The following PRUNE2 variants were observed in gnomAD, a reference collection of about 807,000 sequenced individuals.
PRUNE2 encodes prune homolog 2 with BCH domain.
PRUNE2 carries 164 observed loss-of-function variants against 252.0 expected under a neutral mutation model. The ratio of observed to expected loss-of-function variants is 0.65; its 90% confidence interval spans 0.57 to 0.74. PRUNE2 has a LOEUF of 0.74. Ranked by LOEUF, PRUNE2 falls within the 30% of genes least tolerant of loss-of-function variation. The probability of loss-of-function intolerance (pLI) is 0.00; values close to 1 mark genes in which losing one functional copy is unlikely to be tolerated. For missense variants in PRUNE2, 3,495 were observed against 3,711.0 expected (o/e 0.94, Z 1.51); for synonymous variants, 1,292 against 1,350.2 (o/e 0.96, Z 0.94).
At chr9:76,691,738 T>C (rs2044755087) in intron 9 of PRUNE2, among the ~76,000 whole-genome samples, 1 of 152,226 alleles carries the variant, frequency 6.6e-6, no homozygotes, top group Non-Finnish European at 1.5e-5. Context: ...TGTCACTTCC[T>C]TTTATTTTTC....
Position 76,708,234 on chromosome 9 carries a change from G to C in PRUNE2, c.4040C>G (p.Ser1347Cys). 6.2e-7 allele frequency: 1 copy of C among 1,613,916 alleles called. No homozygotes were observed. Among genetic ancestry groups the C allele is most frequent in the Non-Finnish European group, 8.5e-7 (1 of 1,179,882 alleles). The change falls in exon 8 of 19, where the codon TCT becomes TGT. Residue 1347 changes from serine to cysteine, a missense_variant. Transcript: ENST00000376718. ...GHLDEEEVIA[S>C]GVENASGISE... is the part of the protein sequence containing the mutation. ...AATCCCTGAGGCATTCTCCACACCA[G>C]AGGCGATCACCTCCTCTTCATCAAG...
At chr9:76,874,264 C>CT (rs1184170146) in intron 1 of PRUNE2, among the ~76,000 whole-genome samples, 1 of 152,206 alleles carries the variant, frequency 6.6e-6, no homozygotes, top group African/African-American at 2.4e-5. Context: ...GGCTAAGTCT[C>CT]TGTTTCCTCA....
chr9:76,639,178 T>G (rs565886865), intron 12 of PRUNE2, among the ~76,000 whole-genome samples: 235 of 152,298 alleles, frequency 1.5e-3, no homozygotes, highest in Middle Eastern at 3.4e-3. Context: ...TTTCAAGAGT[T>G]AATTAACTCC....
chr9:76,870,444 G>C (rs2061121572), intron 1 of PRUNE2, among the ~76,000 whole-genome samples: 1 of 152,018 alleles, frequency 6.6e-6, no homozygotes, highest in Non-Finnish European at 1.5e-5. Context: ...CCAGCACTTT[G>C]GGAGGCCGAG....
At chr9:76,660,781 CAAAAAA>C (rs11432174) in intron 9 of PRUNE2, among the ~76,000 whole-genome samples, 4 of 101,042 alleles carry the variant, frequency 4.0e-5, no homozygotes, top group Non-Finnish European at 5.7e-5. Context: ...GACTCTGAAT[CAAAAAA>C]AAAAAAAAAA....
chr9:76,710,098 C>T lies in PRUNE2; in HGVS notation c.2176G>A (p.Gly726Ser). ...WESEFGQPEL[G>S]SNDIQDKNEE... is the part of the protein sequence containing the mutation. ...TTTTTGTCTTGAATATCATTGCTAC[C>T]CAGTTCAGGCTGACCAAATTCAGAC... The change falls in exon 8 of 19, where the codon GGT (glycine) becomes AGT (serine). Residue 726 changes from glycine to serine, a missense_variant. Transcript: ENST00000376718. The T allele has an allele frequency of 6.2e-7, 1 of 1,613,908 alleles. No homozygotes were observed. Among genetic ancestry groups the T allele is most frequent in the Non-Finnish European group, 8.5e-7 (1 of 1,179,888 alleles).
chr9:76,751,251 G>GACAC (rs3048276), intron 6 of PRUNE2, among the ~76,000 whole-genome samples: 25,156 of 149,132 alleles, frequency 0.17, 2,321 homozygotes, highest in East Asian at 0.45. Context: ...AGGGGACACA[G>GACAC]ACACACACAC....
intron 6 of PRUNE2, among the ~76,000 whole-genome samples, chr9:76,817,048 A>AT (rs2057739343): frequency 6.6e-6 from 1 of 152,176 alleles, no homozygotes; most frequent in South Asian, 2.1e-4. Context: ...AATTAAAATG[A>AT]TTTTTTCAGG....
intron 10 of PRUNE2, among the ~76,000 whole-genome samples, chr9:76,653,918 T>C (rs573642124): frequency 1.3e-5 from 2 of 152,284 alleles, no homozygotes; most frequent in East Asian, 3.9e-4. Flanking sequence ...GGAGAAGTCA[T>C]TTTTTAACCA....
chr9:76,688,108 AC>A (rs1414253624), intron 9 of PRUNE2, among the ~76,000 whole-genome samples: 1 of 152,164 alleles, frequency 6.6e-6, no homozygotes, highest in Non-Finnish European at 1.5e-5. Flanking sequence ...ATTTGGCCTC[AC>A]CCCTGCCCTG....
intron 6 of PRUNE2, among the ~76,000 whole-genome samples, chr9:76,794,391 G>C (rs1217541302): frequency 1.3e-5 from 2 of 152,042 alleles, no homozygotes; most frequent in African/African-American, 4.8e-5. Context: ...CTGAGGCAGG[G>C]GGATCACGAG....
chr9:76,643,998 G>C (rs1331477002), intron 12 of PRUNE2, among the ~76,000 whole-genome samples: 1 of 152,126 alleles, frequency 6.6e-6, no homozygotes, highest in Admixed American at 6.6e-5. Flanking sequence ...GGGAAAGGAA[G>C]GCACGCAGCA....
At chr9:76,787,889 C>T (rs908485690) in intron 6 of PRUNE2, among the ~76,000 whole-genome samples, 4 of 152,200 alleles carry the variant, frequency 2.6e-5, no homozygotes, top group Admixed American at 6.5e-5. Flanking sequence ...CTCCTGTGAC[C>T]GCAGCTTCCG....
intron 6 of PRUNE2, among the ~76,000 whole-genome samples, chr9:76,762,396 C>T (rs577528496): frequency 3.2e-4 from 48 of 152,268 alleles, no homozygotes; most frequent in Admixed American, 2.1e-3. Context: ...CAGAAATGTG[C>T]GCAGAGAGAG....
intron 4 of PRUNE2, among the ~76,000 whole-genome samples, chr9:76,838,267 A>AGT (rs2059174738): frequency 6.6e-6 from 1 of 151,818 alleles, no homozygotes; most frequent in Non-Finnish European, 1.5e-5. Context: ...AACCTAGACA[A>AGT]GTAGATTCTC....
At position 76,852,802 on chromosome 9, in the gene PRUNE2, GTCTGTCTATCTA is replaced by G. The variant is rs1321486586; in HGVS notation, c.141+1290_141+1301del. 1.1e-4 allele frequency among the ~76,000 whole-genome samples: 17 copies of G among 150,494 alleles called. No individual in the cohort carries two copies. In the East Asian group the frequency reaches 1.6e-3, roughly 14 times the overall value. On this transcript the variant is annotated intron_variant, in intron 2 of 18. Coordinates refer to ENST00000376718, the MANE Select transcript of PRUNE2 (RefSeq NM_015225.3). ...TTTATTTTTATCTAGCCATCTGTCT[GTCTGTCTATCTA>G]TCTATCTATCTATCTATCTATCTAT...
At chr9:76,813,791 A>G (rs2057512606) in intron 6 of PRUNE2, among the ~76,000 whole-genome samples, 1 of 152,226 alleles carries the variant, frequency 6.6e-6, no homozygotes, top group Non-Finnish European at 1.5e-5. Context: ...TATACTATAT[A>G]TGATATATTG....
rs558685605 is a variant in PRUNE2, at chr9:76,739,657, A to T, written c.757-25936T>A. The T allele has an allele frequency of 4.6e-5, 7 of 152,340 alleles. No homozygotes were observed. The South Asian group carries it at 1.5e-3, about 32-fold the overall frequency. The allele number at this position is 152,340 out of a possible 1,614,324, so 9.4% of individuals were successfully genotyped here. On this transcript the variant is annotated intron_variant, in intron 6 of 18. Coordinates refer to ENST00000376718, the MANE Select transcript of PRUNE2 (RefSeq NM_015225.3). The stretch of plus-strand genomic sequence containing the variant: ...CACAAATATATATGCATCAAAATAT[A>T]TAAAGAGGGATAAAGGCCATAAATA...
In PRUNE2 at chr9:76,668,889, T is replaced by C. The variant is rs534470242; in HGVS notation, c.8277-13387A>G. Among the ~76,000 whole-genome samples the C allele has an allele frequency of 6.0e-5, 9 of 150,238 alleles. No individual in the cohort carries two copies. In the East Asian group the frequency reaches 1.6e-3, roughly 27 times the overall value. On this transcript the variant is annotated intron_variant, in intron 9 of 18. Coordinates refer to ENST00000376718, the MANE Select transcript of PRUNE2 (RefSeq NM_015225.3). The stretch of plus-strand genomic sequence containing the variant: ...TTTACTCGCTCACAATTCTGGAGGT[T>C]GGAAGTCTGAGATCAAGATGTCATC...
Sources: gnomAD v4.1 joint callset for allele counts (sites outside exome capture counted in the v4.1 genomes callset) on GRCh38, gnomAD v4.1.1 for gene constraint, MANE v1.5 for transcripts, NCBI Gene and HGNC (gene_info 2026-07-23, HGNC 2026-07-21) for gene names.